Variants in DPP10 observed in about 807,000 individuals in gnomAD.
DPP10 encodes the protein dipeptidyl peptidase like 10, also known as inactive dipeptidyl peptidase 10.
A neutral mutation model predicts 120.9 loss-of-function variants in DPP10; 33 were observed. The observed-to-expected ratio is 0.27, with a 90% confidence interval of 0.21 to 0.37. DPP10 has a LOEUF of 0.37. Among genes scored for constraint, DPP10 ranks in the 10% least tolerant of loss-of-function variants. The probability of loss-of-function intolerance (pLI) is 1.00; values close to 1 mark genes in which losing one functional copy is unlikely to be tolerated. For synonymous variants in DPP10, 337 were observed against 326.1 expected, an observed-to-expected ratio of 1.03 and a Z score of -0.36; for missense variants, 816 against 942.8, an observed-to-expected ratio of 0.87 and a Z score of 1.76.
intron 1 of DPP10, among the ~76,000 whole-genome samples, chr2:114,732,372 G>A (rs530943334): frequency 6.6e-6 from 1 of 152,306 alleles, no homozygotes; most frequent in Admixed American, 6.5e-5. Flanking sequence ...GTCAGAGAAA[G>A]CTTCCTCTGG....
chr2:114,950,468 T>A (rs994996220), intron 1 of DPP10, among the ~76,000 whole-genome samples: 2 of 138,590 alleles, frequency 1.4e-5, no homozygotes, highest in Non-Finnish European at 3.3e-5. Context: ...GTAATTTTTT[T>A]ATTTTTTTTT....
At chr2:114,500,215 G>A (rs899170548) in intron 1 of DPP10, among the ~76,000 whole-genome samples, 1 of 152,194 alleles carries the variant, frequency 6.6e-6, no homozygotes, top group African/African-American at 2.4e-5. Context: ...ATTTAACATG[G>A]ATTGATTCCA....
At chr2:115,068,400 G>C (rs959885319) in intron 1 of DPP10, among the ~76,000 whole-genome samples, 3 of 150,448 alleles carry the variant, frequency 2.0e-5, no homozygotes, top group Non-Finnish European at 4.4e-5. Flanking sequence ...CCGATCCTTT[G>C]CCCATTTTTT....
chr2:114,475,476 T>TCTCTCTGCCC (rs1204476195), intron 1 of DPP10, among the ~76,000 whole-genome samples: 3 of 152,124 alleles, frequency 2.0e-5, no homozygotes, highest in Non-Finnish European at 4.4e-5. Context: ...GTTTTCTCTC[T>TCTCTCTGCCC]CTCTCTGCCC....
chr2:115,614,071 G>A (rs1441315712), intron 5 of DPP10, among the ~76,000 whole-genome samples: 1 of 152,172 alleles, frequency 6.6e-6, no homozygotes, highest in Non-Finnish European at 1.5e-5. Context: ...CAACACAGCT[G>A]TTCAGCTGGA....
intron 1 of DPP10, among the ~76,000 whole-genome samples, chr2:114,971,206 A>T (rs1038270000): frequency 6.6e-6 from 1 of 152,188 alleles, no homozygotes; most frequent in Non-Finnish European, 1.5e-5. Context: ...AAGAAAACTA[A>T]TTCAAATTTT....
chr2:115,742,934 A>C, intron 9 of DPP10, among the ~76,000 whole-genome samples: 1 of 151,978 alleles, frequency 6.6e-6, no homozygotes, highest in Non-Finnish European at 1.5e-5. Context: ...CTCATAAAAT[A>C]CCCTATCATT....
chr2:115,207,489 T>C (rs576645262), intron 1 of DPP10, among the ~76,000 whole-genome samples: 1 of 137,034 alleles, frequency 7.3e-6, no homozygotes, highest in African/African-American at 2.8e-5. Context: ...TTTAGTCAAA[T>C]GTTTGAGTGC....
chr2:115,060,976 A>G (rs1277338248), intron 1 of DPP10, among the ~76,000 whole-genome samples: 1 of 152,184 alleles, frequency 6.6e-6, no homozygotes, highest in South Asian at 2.1e-4. Flanking sequence ...TTCTTGCTGA[A>G]GCTCATAATG....
At chr2:114,938,552 T>C (rs1377264880) in intron 1 of DPP10, among the ~76,000 whole-genome samples, 2 of 152,154 alleles carry the variant, frequency 1.3e-5, no homozygotes, top group Non-Finnish European at 2.9e-5. Flanking sequence ...TTCATGGAGA[T>C]ATCTTTTTCC....
chr2:115,159,739 C>T (rs888186624), intron 1 of DPP10, among the ~76,000 whole-genome samples: 1 of 152,142 alleles, frequency 6.6e-6, no homozygotes, highest in Non-Finnish European at 1.5e-5. Flanking sequence ...CACATACACA[C>T]ACAGACCCCC....
intron 1 of DPP10, among the ~76,000 whole-genome samples, chr2:114,981,175 G>A (rs928966585): frequency 2.0e-5 from 3 of 151,982 alleles, no homozygotes; most frequent in African/African-American, 7.2e-5. Flanking sequence ...CTAAGAATAA[G>A]TCCTGAAAAG....
chr2:114,445,986 T>C (rs891400986), intron 1 of DPP10, among the ~76,000 whole-genome samples: 1 of 152,188 alleles, frequency 6.6e-6, no homozygotes, highest in Non-Finnish European at 1.5e-5. Flanking sequence ...CCTGATGTGA[T>C]TACAAATCTT....
chr2:115,243,773 A>T (rs1574139379), intron 1 of DPP10, among the ~76,000 whole-genome samples: 5 of 149,036 alleles, frequency 3.4e-5, no homozygotes, highest in Admixed American at 1.3e-4. Flanking sequence ...TTTTTAAACT[A>T]TTTTTTTTTT....
chr2:114,508,192 A>G (rs967222857), intron 1 of DPP10, among the ~76,000 whole-genome samples: 1 of 152,190 alleles, frequency 6.6e-6, no homozygotes, highest in South Asian at 2.1e-4. Flanking sequence ...ACGTCCTTAC[A>G]CTGAAGCTAT....
At chr2:115,602,821 C>G (rs1458656465) in intron 5 of DPP10, among the ~76,000 whole-genome samples, 2 of 151,986 alleles carry the variant, frequency 1.3e-5, no homozygotes, top group Non-Finnish European at 2.9e-5. Context: ...TCTGAAAAAG[C>G]CAGATAATTA....
At position 114,987,075 on chromosome 2, in the gene DPP10, C is replaced by T. The variant is rs140183181; in HGVS notation, c.61-322164C>T. Among the ~76,000 whole-genome samples the T allele has an allele frequency of 6.4e-3, 979 of 152,124 alleles. 4 individuals carry two copies. Among genetic ancestry groups the T allele is most frequent in the Non-Finnish European group, 8.1e-3 (552 of 67,988 alleles). On this transcript the variant is annotated intron_variant, in intron 1 of 25. Coordinates refer to ENST00000410059, the MANE Select transcript of DPP10 (RefSeq NM_020868.6). ...GATTACAGGCGTGAACCACTGCACC[C>T]GGCCTAGGATAGGTTTTCTCATTGC...
chr2:115,013,109 G>C (rs1251774799), intron 1 of DPP10, among the ~76,000 whole-genome samples: 1 of 152,118 alleles, frequency 6.6e-6, no homozygotes, highest in Non-Finnish European at 1.5e-5. Flanking sequence ...TTTACAGTTG[G>C]TATGTTTTTA....
At chr2:114,792,122 T>C (rs1683301942) in intron 1 of DPP10, among the ~76,000 whole-genome samples, 1 of 152,220 alleles carries the variant, frequency 6.6e-6, no homozygotes, top group Non-Finnish European at 1.5e-5. Flanking sequence ...TTGGCTTATA[T>C]GTTTTTTATC....
Sources: allele counts gnomAD v4.1 joint callset (sites outside exome capture counted in the v4.1 genomes callset), GRCh38; gene constraint gnomAD v4.1.1; transcripts MANE v1.5; gene names NCBI Gene and HGNC (gene_info 2026-07-23, HGNC 2026-07-21).